Variants in CHCHD3 observed in about 807,000 individuals in gnomAD.
CHCHD3 encodes MICOS complex subunit MIC19.
CHCHD3 carries 20 observed loss-of-function variants against 38.2 expected under a neutral mutation model. That is an observed-to-expected ratio of 0.52 (90% CI 0.37 to 0.76). CHCHD3 has a LOEUF of 0.76. CHCHD3 is among the 30% of genes least tolerant of loss of function. The probability of loss-of-function intolerance (pLI) is 0.00; values close to 1 mark genes in which losing one functional copy is unlikely to be tolerated. For missense variants in CHCHD3, 245 were observed against 279.2 expected (o/e 0.88, Z 0.87); for synonymous variants, 82 against 100.0 (o/e 0.82, Z 1.07).
At chr7:132,963,692 T>TACACACACAC (rs1174201921) in intron 4 of CHCHD3, among the ~76,000 whole-genome samples, 8 of 46,918 alleles carry the variant, frequency 1.7e-4, no homozygotes, top group South Asian at 6.1e-4. Context: ...CACAAACGAT[T>TACACACACAC]ATACACACAC....
chr7:132,980,136 C>G (rs1377035914), intron 3 of CHCHD3, among the ~76,000 whole-genome samples: 5 of 152,206 alleles, frequency 3.3e-5, no homozygotes, highest in African/African-American at 1.2e-4. Context: ...CCATCTGGGC[C>G]TCTCTGAAAA....
At chr7:133,017,564 C>T (rs1813063533) in intron 3 of CHCHD3, among the ~76,000 whole-genome samples, 1 of 152,230 alleles carries the variant, frequency 6.6e-6, no homozygotes, top group South Asian at 2.1e-4. Flanking sequence ...TCAAACACTG[C>T]ACTTCACGAG....
intron 4 of CHCHD3, among the ~76,000 whole-genome samples, chr7:132,951,089 A>G (rs1811026453): frequency 6.6e-6 from 1 of 152,240 alleles, no homozygotes; most frequent in Non-Finnish European, 1.5e-5. Flanking sequence ...GGCAAAAATC[A>G]TAAGCCACTC....
At chr7:132,953,201 C>G (rs1811073082) in intron 4 of CHCHD3, among the ~76,000 whole-genome samples, 1 of 152,172 alleles carries the variant, frequency 6.6e-6, no homozygotes, top group African/African-American at 2.4e-5. Context: ...TGATTATAAC[C>G]TTCTCCAATG....
Position 132,796,420 on chromosome 7 carries a change from GTGGCCTGGC to G in CHCHD3, c.660+13_660+21del. On this transcript the variant is annotated intron_variant, in intron 7 of 7. Coordinates refer to ENST00000262570, the MANE Select transcript of CHCHD3 (RefSeq NM_017812.4). ...GTTTTCAATTTGCCCAGTGCCCCCA[GTGGCCTGGC>G]TGGCACACCTACCTGTTTGGCATGA... is the stretch of plus-strand genomic sequence containing the variant. 1 of 1,612,734 alleles carries G rather than the reference GTGGCCTGGC, an allele frequency of 6.2e-7. No individual in the cohort carries two copies. Among genetic ancestry groups the G allele is most frequent in the Non-Finnish European group, 8.5e-7 (1 of 1,179,092 alleles).
At chr7:133,025,746 C>T (rs1311952066) in intron 2 of CHCHD3, among the ~76,000 whole-genome samples, 1 of 152,130 alleles carries the variant, frequency 6.6e-6, no homozygotes, top group Non-Finnish European at 1.5e-5. Flanking sequence ...CCTCATGATC[C>T]GCCCACCTTG....
At chr7:132,826,016 G>C (rs1585549435) in intron 6 of CHCHD3, among the ~76,000 whole-genome samples, 1 of 152,174 alleles carries the variant, frequency 6.6e-6, no homozygotes, top group South Asian at 2.1e-4. Context: ...CTGAAAGCAG[G>C]AACAGGTGTA....
chr7:133,043,675 C>T (rs893366460), intron 2 of CHCHD3, among the ~76,000 whole-genome samples: 3 of 151,768 alleles, frequency 2.0e-5, no homozygotes, highest in Non-Finnish European at 2.9e-5. Context: ...ACAAAATTCC[C>T]TTTCATGCTC....
At chr7:132,848,002 A>G (rs758874294) in intron 5 of CHCHD3, among the ~76,000 whole-genome samples, 25 of 152,190 alleles carry the variant, frequency 1.6e-4, no homozygotes, top group Non-Finnish European at 2.9e-4. Context: ...CTGTCCGTTC[A>G]AGGATGGTGG....
intron 6 of CHCHD3, among the ~76,000 whole-genome samples, chr7:132,817,187 T>C (rs1238308177): frequency 6.6e-6 from 1 of 151,654 alleles, no homozygotes; most frequent in Non-Finnish European, 1.5e-5. Context: ...GTAATTTTCC[T>C]GGGGTCCCAA....
At chr7:133,027,966 C>T (rs538564740) in intron 2 of CHCHD3, among the ~76,000 whole-genome samples, 1 of 152,248 alleles carries the variant, frequency 6.6e-6, no homozygotes, top group African/African-American at 2.4e-5. Context: ...CATATGGGTA[C>T]ACCTGTTAGC....
At chr7:132,828,894 C>T (rs893584923) in intron 6 of CHCHD3, among the ~76,000 whole-genome samples, 1 of 151,930 alleles carries the variant, frequency 6.6e-6, no homozygotes, top group African/African-American at 2.4e-5. Context: ...AAATCTTTAA[C>T]TGTGCTCAAG....
At chr7:132,899,051 C>T (rs2117199152) in intron 4 of CHCHD3, among the ~76,000 whole-genome samples, 1 of 152,352 alleles carries the variant, frequency 6.6e-6, no homozygotes, top group East Asian at 1.9e-4. Context: ...GAAAGGGGCT[C>T]CCACAGTGCA....
intron 6 of CHCHD3, among the ~76,000 whole-genome samples, chr7:132,812,363 C>G (rs1347859245): frequency 6.6e-6 from 1 of 151,830 alleles, no homozygotes; most frequent in Non-Finnish European, 1.5e-5. Flanking sequence ...GTGTCCACCA[C>G]CAAGCCCAGC....
At chr7:133,036,079 T>C (rs1380953627) in intron 2 of CHCHD3, 5 of 687,018 alleles carry the variant, frequency 7.3e-6, no homozygotes, top group Non-Finnish European at 1.0e-5. Context: ...AATAATTCGC[T>C]AGGCAATTGA....
intron 3 of CHCHD3, among the ~76,000 whole-genome samples, chr7:133,009,674 C>G (rs1812808547): frequency 6.6e-6 from 1 of 152,166 alleles, no homozygotes; most frequent in Admixed American, 6.5e-5. Context: ...TGACAGGGTT[C>G]ATGAGGGCAA....
intron 6 of CHCHD3, among the ~76,000 whole-genome samples, chr7:132,800,118 A>G (rs974827496): frequency 2.0e-5 from 3 of 152,216 alleles, no homozygotes; most frequent in African/African-American, 7.2e-5. Flanking sequence ...ATATCCAAGT[A>G]TTTTTTCTCC....
rs57262694 is a variant in CHCHD3 at position 132,824,314 on chromosome 7, C to CTTTTTTTTTTTTTTTTTTTTTTT, written c.524+14084_524+14085insAAAAAAAAAAAAAAAAAAAAAAA. Among the ~76,000 whole-genome samples the CTTTTTTTTTTTTTTTTTTTTTTT allele has an allele frequency of 4.4e-5, 4 of 90,132 alleles. 1 individual carries two copies. Among genetic ancestry groups the CTTTTTTTTTTTTTTTTTTTTTTT allele is most frequent in the African/African-American group, 1.3e-4 (3 of 23,528 alleles). The allele number at this position is 90,132 out of a possible 152,430, so 59.1% of individuals were successfully genotyped here. The stretch of plus-strand genomic sequence containing the variant: ...AAAAATATTCCCAAGTAGTAGAACT[C>CTTTTTTTTTTTTTTTTTTTTTTT]TTTTTTTTTTTTTTTTTTTTTTGAG... On this transcript the variant is annotated intron_variant, in intron 6 of 7. Transcript: ENST00000262570.
intron 3 of CHCHD3, among the ~76,000 whole-genome samples, chr7:132,984,085 T>A (rs1317265752): frequency 8.8e-6 from 1 of 113,026 alleles, no homozygotes; most frequent in Non-Finnish European, 1.9e-5. Flanking sequence ...CCTCTCCCTC[T>A]CTTTCCACGG....
Sources: gnomAD v4.1 joint callset for allele counts (sites outside exome capture counted in the v4.1 genomes callset) on GRCh38, gnomAD v4.1.1 for gene constraint, MANE v1.5 for transcripts, NCBI Gene and HGNC (gene_info 2026-07-23, HGNC 2026-07-21) for gene names.